Variants in B3GAT2 observed in about 807,000 individuals in gnomAD.
The protein encoded by B3GAT2 is galactosylgalactosylxylosylprotein 3-beta-glucuronosyltransferase 2.
B3GAT2 carries 26 observed loss-of-function variants against 27.8 expected under a neutral mutation model. The observed-to-expected ratio is 0.93, with a 90% CI of 0.68 to 1.30. The LOEUF (loss-of-function observed/expected upper bound fraction) is 1.30. Ranked by LOEUF, B3GAT2 falls within the 50% of genes most tolerant of loss-of-function variation. The pLI, the probability that B3GAT2 is intolerant of heterozygous loss-of-function variation, is 0.00. For missense variants in B3GAT2, 458 were observed against 459.0 expected, an observed-to-expected ratio of 1.00 and a Z score of 0.02; for synonymous variants, 218 against 195.1, an observed-to-expected ratio of 1.12 and a Z score of -0.98.
intron 2 of B3GAT2, among the ~76,000 whole-genome samples, chr6:70,879,196 T>TTGC (rs1384871419): frequency 6.6e-6 from 1 of 152,090 alleles, no homozygotes; most frequent in Non-Finnish European, 1.5e-5. Context: ...GTTTTTGTTG[T>TTGC]TGTTGTTGTT....
chr6:70,883,703 A>G (rs561534209), intron 2 of B3GAT2, among the ~76,000 whole-genome samples: 7 of 152,356 alleles, frequency 4.6e-5, no homozygotes, highest in East Asian at 1.9e-4. Context: ...CCACTTCAAA[A>G]TGGTTAAAAT....
chr6:70,885,172 C>A (rs965386693), intron 2 of B3GAT2, among the ~76,000 whole-genome samples: 5 of 152,072 alleles, frequency 3.3e-5, no homozygotes, highest in African/African-American at 1.2e-4. Context: ...GACATTTGCC[C>A]CCTTGTGACT....
intron 1 of B3GAT2, among the ~76,000 whole-genome samples, chr6:70,898,336 A>C (rs1414994256): frequency 6.6e-6 from 1 of 152,148 alleles, no homozygotes; most frequent in Non-Finnish European, 1.5e-5. Context: ...GATCTTCCCC[A>C]TAGGTGGGAC....
At position 70,956,369 on chromosome 6, in the gene B3GAT2, T is replaced by G; in HGVS notation, c.61A>C (p.Ile21Leu). The part of the protein sequence containing the change: ...ILLPWILIVI[I>L]MLDVDTRRPV... ...CTGCGCGTGTCCACGTCGAGCATGA[T>G]GATGACAATTAGGATCCAGGGCAGG... Residue 21 changes from isoleucine to leucine, a missense_variant, in exon 1 of 4, where the codon ATC becomes CTC. Coordinates refer to ENST00000230053, the MANE Select transcript of B3GAT2 (RefSeq NM_080742.3). The G allele has an allele frequency of 6.4e-7, 1 of 1,560,034 alleles. No homozygotes were observed. The highest frequency in any genetic ancestry group is 8.7e-7 in the Non-Finnish European group (1 of 1,151,554).
chr6:70,889,485 C>T (rs1486865453), intron 2 of B3GAT2, among the ~76,000 whole-genome samples: 2 of 152,144 alleles, frequency 1.3e-5, no homozygotes, highest in East Asian at 1.9e-4. Flanking sequence ...TAGAAACTAC[C>T]ACCAGCTGGA....
In B3GAT2 at chr6:70,936,737, G is replaced by A. The variant is rs552395985; in HGVS notation, c.591+19102C>T. 3.3e-4 allele frequency among the ~76,000 whole-genome samples: 50 copies of A among 152,080 alleles called. 1 individual carries two copies. The East Asian group carries it at 8.3e-3, about 25-fold the overall frequency. On this transcript the variant is annotated intron_variant, in intron 1 of 3. Transcript: ENST00000230053. ...AAAGACACAACATACCAGAATCTCTGGGATACATTCAAAGCAGTGTGTAGA... is the reference window on the plus strand; with the variant it reads ...AAAGACACAACATACCAGAATCTCTAGGATACATTCAAAGCAGTGTGTAGA...
chr6:70,940,258 G>T (rs1765368564), intron 1 of B3GAT2, among the ~76,000 whole-genome samples: 1 of 152,038 alleles, frequency 6.6e-6, no homozygotes, highest in African/African-American at 2.4e-5. Flanking sequence ...GAAAACTTAA[G>T]CAATGTTTGC....
chr6:70,913,486 T>C (rs1772720159), intron 1 of B3GAT2, among the ~76,000 whole-genome samples: 1 of 152,212 alleles, frequency 6.6e-6, no homozygotes, highest in Non-Finnish European at 1.5e-5. Context: ...GAGCAGGTTG[T>C]TTGATTTGCA....
intron 2 of B3GAT2, among the ~76,000 whole-genome samples, chr6:70,867,141 T>A (rs1260763145): frequency 6.6e-6 from 1 of 151,934 alleles, no homozygotes; most frequent in African/African-American, 2.4e-5. Context: ...ACAAGACATA[T>A]CAAAATGTGT....
intron 1 of B3GAT2, among the ~76,000 whole-genome samples, chr6:70,921,596 C>G (rs1034146171): frequency 3.3e-5 from 5 of 152,156 alleles, no homozygotes; most frequent in Non-Finnish European, 5.9e-5. Flanking sequence ...AATTCTATCT[C>G]TGTCATTTCA....
Position 70,956,542 on chromosome 6 carries a change from TG to T in B3GAT2, c.-114del. Reference sequence around the variant, plus strand: ...ACTTAGGGAGTGGTGATGGGTGCGCTGTCCATGGGGCCGAGGGCGCTGCAGA... The same window carrying T: ...ACTTAGGGAGTGGTGATGGGTGCGCTTCCATGGGGCCGAGGGCGCTGCAGA... On this transcript the variant is annotated 5_prime_UTR_variant, in exon 1 of 4. The change abolishes the stop of an existing upstream ORF in the 5' untranslated region. Transcript: ENST00000230053. 6.6e-7 allele frequency: 1 copy of T among 1,508,612 alleles called. No homozygotes were observed. The highest frequency in any genetic ancestry group is 8.8e-7 in the Non-Finnish European group (1 of 1,130,928). 93.5% of individuals were successfully genotyped at this position (1,508,612 alleles called of 1,614,324 possible). A position where few individuals can be genotyped will look rare whatever the true frequency, so the allele number is the denominator to read the frequency against.
intron 1 of B3GAT2, among the ~76,000 whole-genome samples, chr6:70,920,411 G>T (rs568490701): frequency 1.1e-3 from 162 of 152,320 alleles, no homozygotes; most frequent in African/African-American, 3.6e-3. Flanking sequence ...GCTTCGGCTT[G>T]CCCTCCATGG....
chr6:70,941,686 A>C (rs1765396056), intron 1 of B3GAT2, among the ~76,000 whole-genome samples: 3 of 152,210 alleles, frequency 2.0e-5, no homozygotes, highest in Admixed American at 2.0e-4. Context: ...GACATACAAC[A>C]CAGACTTCAA....
intron 1 of B3GAT2, among the ~76,000 whole-genome samples, chr6:70,913,958 C>CT (rs1255790902): frequency 1.3e-5 from 2 of 152,038 alleles, no homozygotes; most frequent in African/African-American, 2.4e-5. Flanking sequence ...ATGCGCTTGT[C>CT]TTTTTTGATC....
At chr6:70,875,672 G>C (rs1772003583) in intron 2 of B3GAT2, among the ~76,000 whole-genome samples, 1 of 152,146 alleles carries the variant, frequency 6.6e-6, no homozygotes, top group Non-Finnish European at 1.5e-5. Context: ...AGCATGCCTT[G>C]GTTGTTAAAC....
chr6:70,936,604 C>A (rs1159794832), intron 1 of B3GAT2, among the ~76,000 whole-genome samples: 4 of 152,086 alleles, frequency 2.6e-5, no homozygotes, highest in African/African-American at 9.7e-5. Flanking sequence ...GAAACTCACT[C>A]AAAACCGCTC....
intron 2 of B3GAT2, among the ~76,000 whole-genome samples, chr6:70,869,071 A>T (rs970284912): frequency 2.6e-5 from 4 of 152,210 alleles, no homozygotes; most frequent in African/African-American, 9.6e-5. Context: ...ACTGTCTTAG[A>T]ACCTTTGGCA....
chr6:70,866,686 A>G (rs1271274457), intron 2 of B3GAT2, among the ~76,000 whole-genome samples: 1 of 152,198 alleles, frequency 6.6e-6, no homozygotes, highest in African/African-American at 2.4e-5. Flanking sequence ...GTACAGAGTC[A>G]CAGGAACAGA....
intron 2 of B3GAT2, among the ~76,000 whole-genome samples, chr6:70,881,809 G>C (rs1772103099): frequency 1.3e-5 from 2 of 152,164 alleles, no homozygotes; most frequent in Non-Finnish European, 2.9e-5. Flanking sequence ...CTCCCATGAG[G>C]ACACCATCCT....
Sources: allele counts gnomAD v4.1 joint callset (sites outside exome capture counted in the v4.1 genomes callset), GRCh38; gene constraint gnomAD v4.1.1; transcripts MANE v1.5; gene names NCBI Gene and HGNC (gene_info 2026-07-23, HGNC 2026-07-21).